The following PHKB variants were observed in gnomAD, a reference collection of about 807,000 sequenced individuals.
The protein encoded by PHKB is phosphorylase kinase regulatory subunit beta.
In PHKB, 122 loss-of-function variants were observed where a neutral mutation model predicts 152.1. That is an observed-to-expected ratio of 0.80 (90% confidence interval 0.69 to 0.93). The LOEUF is 0.93. Ranked by LOEUF, PHKB falls within the 40% of genes least tolerant of loss-of-function variation. PHKB has a pLI of 0.00. For missense variants in PHKB, 1,304 were observed against 1,328.4 expected, an observed-to-expected ratio of 0.98 and a Z score of 0.29; for synonymous variants, 436 against 464.9, an observed-to-expected ratio of 0.94 and a Z score of 0.80.
At chr16:47,601,371 T>A (rs1168890122) in intron 13 of PHKB, among the ~76,000 whole-genome samples, 1 of 152,158 alleles carries the variant, frequency 6.6e-6, no homozygotes, top group African/African-American at 2.4e-5. Context: ...TCTTATTCAC[T>A]ATGTCCTAAA....
At chr16:47,603,453 G>T (rs181878456) in intron 13 of PHKB, among the ~76,000 whole-genome samples, 5 of 151,220 alleles carry the variant, frequency 3.3e-5, no homozygotes, top group Non-Finnish European at 7.4e-5. Flanking sequence ...TACTTTAAAG[G>T]CTTCACCTGG....
At chr16:47,667,894 CAG>C (rs1211234283) in intron 25 of PHKB, among the ~76,000 whole-genome samples, 1 of 152,184 alleles carries the variant, frequency 6.6e-6, no homozygotes, top group Non-Finnish European at 1.5e-5. Context: ...CTGGAAGCCT[CAG>C]AGCCTGCCCT....
intron 14 of PHKB, among the ~76,000 whole-genome samples, chr16:47,622,466 T>C (rs1294142289): frequency 6.6e-6 from 1 of 152,196 alleles, no homozygotes; most frequent in Non-Finnish European, 1.5e-5. Flanking sequence ...GAGAGTTCCA[T>C]GTATTTTTGC....
At chr16:47,554,650 G>A (rs1971335907) in intron 7 of PHKB, among the ~76,000 whole-genome samples, 1 of 152,180 alleles carries the variant, frequency 6.6e-6, no homozygotes, top group African/African-American at 2.4e-5. Context: ...GGTGGTGTAG[G>A]CACCTAAGGG....
chr16:47,656,684 T>C (rs1973345066), intron 20 of PHKB, among the ~76,000 whole-genome samples: 1 of 152,112 alleles, frequency 6.6e-6, no homozygotes, highest in African/African-American at 2.4e-5. Context: ...CAGTTCCTCA[T>C]TCCCCCCACA....
chr16:47,690,310 C>G (rs1019382662), intron 27 of PHKB, among the ~76,000 whole-genome samples: 4 of 151,980 alleles, frequency 2.6e-5, no homozygotes, highest in Admixed American at 1.3e-4. Context: ...TAATAGAAAA[C>G]AAGAAGACAT....
At chr16:47,517,016 C>G (rs2151652921) in intron 6 of PHKB, among the ~76,000 whole-genome samples, 1 of 152,160 alleles carries the variant, frequency 6.6e-6, no homozygotes, top group Middle Eastern at 3.4e-3. Flanking sequence ...CTGGGAAACT[C>G]CTGTTTTAGA....
intron 14 of PHKB, among the ~76,000 whole-genome samples, chr16:47,629,748 A>G (rs531360630): frequency 2.0e-5 from 3 of 152,218 alleles, no homozygotes; most frequent in Non-Finnish European, 4.4e-5. Flanking sequence ...GGCATTATTC[A>G]CAATAGCAAA....
chr16:47,650,586 C>T lies in PHKB; in HGVS notation c.1840C>T (p.Arg614Cys), dbSNP rs369109156. Residue 614 changes from arginine (R) to cysteine (C), a missense_variant, in exon 19 of 31, where the codon CGT (arginine) becomes TGT (cysteine). Transcript: ENST00000323584. ...FIKQYWKMHG[R>C]PLFLVLIRED... Reference sequence around the variant, plus strand: ...TAAACAATATTGGAAAATGCATGGACGTCCACTTTTCCTTGTTCTCATCCG... The same window carrying T: ...TAAACAATATTGGAAAATGCATGGATGTCCACTTTTCCTTGTTCTCATCCG... 1.5e-5 allele frequency: 24 copies of T among 1,610,926 alleles called. No homozygotes were observed. Among genetic ancestry groups the T allele is most frequent in the Non-Finnish European group, 2.0e-5 (23 of 1,177,328 alleles).
chr16:47,461,745 G>A (rs1969563193), intron 1 of PHKB, among the ~76,000 whole-genome samples: 1 of 152,218 alleles, frequency 6.6e-6, no homozygotes, highest in African/African-American at 2.4e-5. Flanking sequence ...TCCTGGGAAA[G>A]GGAATGTGTC....
intron 6 of PHKB, among the ~76,000 whole-genome samples, chr16:47,540,578 T>C (rs1971037028): frequency 6.6e-6 from 1 of 152,080 alleles, no homozygotes; most frequent in Non-Finnish European, 1.5e-5. Flanking sequence ...GGCCCAGCTG[T>C]AAAATTCCTC....
intron 26 of PHKB, among the ~76,000 whole-genome samples, chr16:47,671,718 C>A (rs1050675734): frequency 6.6e-6 from 1 of 152,114 alleles, no homozygotes; most frequent in Admixed American, 6.6e-5. Context: ...CACACAAGTA[C>A]CATAAAGATA....
intron 7 of PHKB, among the ~76,000 whole-genome samples, chr16:47,575,352 A>G (rs976389307): frequency 1.3e-5 from 2 of 152,352 alleles, no homozygotes; most frequent in East Asian, 3.9e-4. Flanking sequence ...ACTACTGGAT[A>G]TCTACCCAAA....
At chr16:47,647,101 T>A (rs1257367289) in intron 16 of PHKB, among the ~76,000 whole-genome samples, 1 of 151,916 alleles carries the variant, frequency 6.6e-6, no homozygotes, top group Non-Finnish European at 1.5e-5. Flanking sequence ...CAGTTTTTAT[T>A]TATTTATTTA....
intron 7 of PHKB, among the ~76,000 whole-genome samples, chr16:47,549,326 T>TATATGTCA (rs2151673617): frequency 6.6e-6 from 1 of 152,314 alleles, no homozygotes; most frequent in East Asian, 1.9e-4. Flanking sequence ...AAGCATTTAA[T>TATATGTCA]ATATGTCAGT....
At chr16:47,642,847 G>C (rs1567338659) in intron 16 of PHKB, among the ~76,000 whole-genome samples, 1 of 152,084 alleles carries the variant, frequency 6.6e-6, no homozygotes, top group African/African-American at 2.4e-5. Flanking sequence ...CCTAGAGTAG[G>C]TAACAATTTA....
In PHKB at chr16:47,645,148, T is replaced by C. The variant is rs1201897564; in HGVS notation, c.1609-3385T>C. Among the ~76,000 whole-genome samples, 3 of 151,820 alleles carry C rather than the reference T, an allele frequency of 2.0e-5. 1 individual carries two copies. Among genetic ancestry groups the C allele is most frequent in the Admixed American group, 2.0e-4 (3 of 15,242 alleles). On this transcript the variant is annotated intron_variant, in intron 16 of 30. Transcript: ENST00000323584. ...AGATGAGTAGGTTGCGAAAATTTTC[T>C]CCCATGTTGTAGGTTGCCTGTTCAC...
At chr16:47,480,817 A>G (rs1969951565) in intron 1 of PHKB, among the ~76,000 whole-genome samples, 1 of 152,204 alleles carries the variant, frequency 6.6e-6, no homozygotes. Context: ...GTATTACATA[A>G]AAAACTAATA....
chr16:47,577,519 G>A (rs896102283), intron 7 of PHKB, among the ~76,000 whole-genome samples: 2 of 152,004 alleles, frequency 1.3e-5, no homozygotes, highest in Non-Finnish European at 2.9e-5. Flanking sequence ...TTAGAGAATG[G>A]AGTTTATCCA....
Sources: gnomAD v4.1 joint callset for allele counts (sites outside exome capture counted in the v4.1 genomes callset) on GRCh38, gnomAD v4.1.1 for gene constraint, MANE v1.5 for transcripts, NCBI Gene and HGNC (gene_info 2026-07-23, HGNC 2026-07-21) for gene names.